Variants in RNF222 observed in about 807,000 individuals in gnomAD.
RNF222 encodes RING finger protein LOC643904.
A neutral mutation model predicts 10.8 loss-of-function variants in RNF222; 14 were observed. That is an observed-to-expected ratio of 1.30 (90% CI 0.86 to 2.03). The LOEUF (loss-of-function observed/expected upper bound fraction) is 2.03. Among genes scored for constraint, RNF222 ranks in the 30% most tolerant of loss-of-function variants. RNF222 has a pLI of 0.00. For synonymous variants in RNF222, 141 were observed against 142.5 expected, an observed-to-expected ratio of 0.99 and a Z score of 0.07; for missense variants, 298 against 295.8, an observed-to-expected ratio of 1.01 and a Z score of -0.06.
chr17:8,393,211 C>T lies in RNF222; in HGVS notation c.251G>A (p.Ser84Asn). ...SSRWPSMLDK[S>N]SQTLAVPVGL... is the part of the protein sequence containing the mutation. ...CACGGGCACAGCCAGCGTCTGGGAG[C>T]TCTTGTCCAGCATGGAGGGCCAGCG... Residue 84 changes from serine to asparagine, a missense_variant, in exon 3 of 3, where the codon AGC (serine) becomes AAC (asparagine). Coordinates refer to ENST00000399398, the MANE Select transcript of RNF222 (RefSeq NM_001146684.3). 1 of 1,550,846 alleles carries T rather than the reference C, an allele frequency of 6.4e-7. No individual in the cohort carries two copies. The highest frequency in any genetic ancestry group is 2.4e-5 in the East Asian group (1 of 40,920).
Position 8,392,706 on chromosome 17 carries a change from G to A in RNF222, c.*93C>T. The A allele has an allele frequency of 7.0e-7, 1 of 1,424,838 alleles. No homozygotes were observed. Among genetic ancestry groups the A allele is most frequent in the Non-Finnish European group, 9.2e-7 (1 of 1,081,404 alleles). The allele number at this position is 1,424,838 out of a possible 1,614,324, so 88.3% of individuals were successfully genotyped here. On this transcript the variant is annotated 3_prime_UTR_variant, in exon 3 of 3. Transcript: ENST00000399398. This position sits in a 1 kb window ranked among gnomAD's most constrained non-coding sequence, Gnocchi z 4.3. Reference sequence around the variant, plus strand: ...CAGGTCCTCCCCTCTGCCTGCCCGCGTGCCCCTCGGAGCTTGGTGGCACCA... The same window carrying A: ...CAGGTCCTCCCCTCTGCCTGCCCGCATGCCCCTCGGAGCTTGGTGGCACCA...
chr17:8,396,617 T>C (rs1864284570), intron 1 of RNF222, among the ~76,000 whole-genome samples: 1 of 151,668 alleles, frequency 6.6e-6, no homozygotes. Context: ...CTCTGGACAG[T>C]CCTTCCCGCT....
Position 8,393,333 on chromosome 17 carries a change from G to A in RNF222, c.129C>T (p.Val43=). ...CCACGCGGGTGGACAGCAGGTACTT[G>A]ACCAGGCAGTCATGGCAGAACACAT... The part of the protein sequence containing the change: ...CGHVFCHDCL[V]KYLLSTRVDG... Residue 43 remains valine, a synonymous_variant, in exon 3 of 3, where the codon GTC becomes GTT. Transcript: ENST00000399398. The A allele has an allele frequency of 6.4e-7, 1 of 1,551,688 alleles. No individual in the cohort carries two copies.
Position 8,393,385 on chromosome 17 carries a change from C to T in RNF222, c.77G>A (p.Gly26Asp), listed in dbSNP as rs781218107. ...GCCACAGCTCAGCGTCCGGCTGGCG[C>T]CCTCCAGGTCCCGGAACTTCTCATA... is the stretch of plus-strand genomic sequence containing the variant. ...VCYEKFRDLE[G>D]ASRTLSCGHV... Residue 26 changes from glycine to aspartate, a missense_variant, in exon 3 of 3, where the codon GGC becomes GAC. Coordinates refer to ENST00000399398, the MANE Select transcript of RNF222 (RefSeq NM_001146684.3). 59 of 1,551,538 alleles carry T rather than the reference C, an allele frequency of 3.8e-5. No individual in the cohort carries two copies. Among genetic ancestry groups the T allele is most frequent in the Non-Finnish European group, 4.5e-5 (52 of 1,146,994 alleles).
In RNF222 at chr17:8,393,268, C is replaced by A. The variant is rs772241278; in HGVS notation, c.194G>T (p.Arg65Leu). The A allele has an allele frequency of 1.9e-6, 3 of 1,551,214 alleles. No homozygotes were observed. Among genetic ancestry groups the A allele is most frequent in the Non-Finnish European group, 2.6e-6 (3 of 1,146,982 alleles). Residue 65 changes from arginine to leucine, a missense_variant, in exon 3 of 3, where the codon CGC becomes CTC. Physicochemically the swap from Arg to Leu is moderately radical, Grantham distance 102. Coordinates refer to ENST00000399398, the MANE Select transcript of RNF222 (RefSeq NM_001146684.3). ...VQRTLVCPIC[R>L]YVTFLSKKSS... ...CTTCTTGCTGAGGAATGTGACGTAG[C>A]GGCAGATGGGGCAGACCAGGGTCCT...
chr17:8,396,436 G>A (rs543400042), intron 1 of RNF222, among the ~76,000 whole-genome samples: 11 of 152,248 alleles, frequency 7.2e-5, no homozygotes, highest in African/African-American at 2.6e-4. Flanking sequence ...CTTTTCATCC[G>A]AGTTAGAGGA....
Position 8,392,794 on chromosome 17 carries a change from G to A in RNF222, c.*5C>T. On this transcript the variant is annotated 3_prime_UTR_variant, in exon 3 of 3. Coordinates refer to ENST00000399398, the MANE Select transcript of RNF222 (RefSeq NM_001146684.3). This position sits in a 1 kb window ranked among gnomAD's most constrained non-coding sequence, Gnocchi z 4.3. ...GCTAGCCCGGCGGCCTCCCTGAGGT[G>A]CGGCTCACGCCTGCTTCCTCACCAG... The A allele has an allele frequency of 6.5e-7, 1 of 1,531,966 alleles. No homozygotes were observed. The highest frequency in any genetic ancestry group is 1.2e-5 in the South Asian group (1 of 83,902). 94.9% of individuals were successfully genotyped at this position (1,531,966 alleles called of 1,614,324 possible).
intron 2 of RNF222, among the ~76,000 whole-genome samples, chr17:8,393,879 T>C (rs937767416): frequency 6.6e-6 from 1 of 152,170 alleles, no homozygotes; most frequent in Non-Finnish European, 1.5e-5. Context: ...GAAGTCCCTG[T>C]TACCAGGGGA....
In RNF222 at chr17:8,390,811, A is replaced by G. The variant is rs1175172119; in HGVS notation, c.*1988T>C. 1 of 152,234 alleles carries G rather than the reference A, an allele frequency of 6.6e-6. No individual in the cohort carries two copies. Among genetic ancestry groups the G allele is most frequent in the African/African-American group, 2.4e-5 (1 of 41,462 alleles). 9.4% of individuals were successfully genotyped at this position (152,234 alleles called of 1,614,324 possible). A position where few individuals can be genotyped will look rare whatever the true frequency, so the allele number is the denominator to read the frequency against. On this transcript the variant is annotated 3_prime_UTR_variant, in exon 3 of 3. Coordinates refer to ENST00000399398, the MANE Select transcript of RNF222 (RefSeq NM_001146684.3). ...TTGAACATACAAAAACACTGAGAGT[A>G]TGTTGAAAGAAACTTTTGGCAAATA...
chr17:8,396,513 C>G (rs1171566171), intron 1 of RNF222, among the ~76,000 whole-genome samples: 1 of 152,158 alleles, frequency 6.6e-6, no homozygotes, highest in African/African-American at 2.4e-5. Flanking sequence ...TCTGGGCAAT[C>G]CTTCTCCCTT....
intron 1 of RNF222, among the ~76,000 whole-genome samples, chr17:8,395,535 A>T (rs576072616): frequency 6.6e-5 from 10 of 152,246 alleles, no homozygotes; most frequent in Admixed American, 2.0e-4. Flanking sequence ...CCCAAAGGGG[A>T]CTTGGAGACC....
chr17:8,397,533 T>G (rs1908076991), intron 1 of RNF222, among the ~76,000 whole-genome samples, 162 bp downstream of exon 1: 1 of 152,064 alleles, frequency 6.6e-6, no homozygotes, highest in Admixed American at 6.5e-5. Context: ...TCCTATAGCT[T>G]TAGCTGTGAC....
rs1363525592 is a variant in RNF222, at chr17:8,391,974, C to G, written c.*825G>C. On this transcript the variant is annotated 3_prime_UTR_variant, in exon 3 of 3. Transcript: ENST00000399398. Reference sequence around the variant, plus strand: ...CAGGGGTTCGTTTGCCCACATAGTTCTCAGCTGACTCAAGGCTCGCCTGTC... The same window carrying G: ...CAGGGGTTCGTTTGCCCACATAGTTGTCAGCTGACTCAAGGCTCGCCTGTC... The G allele has an allele frequency of 1.3e-5, 2 of 152,386 alleles. No homozygotes were observed. Among genetic ancestry groups the G allele is most frequent in the Admixed American group, 6.5e-5 (1 of 15,282 alleles). The allele number at this position is 152,386 out of a possible 1,614,324, so 9.4% of individuals were successfully genotyped here.
At chr17:8,395,693 G>A (rs1908016627) in intron 1 of RNF222, among the ~76,000 whole-genome samples, 1 of 152,190 alleles carries the variant, frequency 6.6e-6, no homozygotes, top group Admixed American at 6.5e-5. Context: ...GGAACAAGAT[G>A]ACAATGGATA....
At chr17:8,395,257 G>A (rs981920161) in intron 1 of RNF222, among the ~76,000 whole-genome samples, 1 of 152,206 alleles carries the variant, frequency 6.6e-6, no homozygotes, top group Non-Finnish European at 1.5e-5. Context: ...TCTTTGAGAT[G>A]GTCAATGTGG....
At chr17:8,397,583 C>G (rs1355000370) in intron 1 of RNF222, 112 bp downstream of exon 1, 1 of 152,446 alleles carries the variant, frequency 6.6e-6, no homozygotes, top group Non-Finnish European at 1.5e-5. Context: ...CTCTCTCTCT[C>G]AATTTCTCTC....
intron 2 of RNF222, among the ~76,000 whole-genome samples, chr17:8,393,916 C>G (rs763429457): frequency 1.3e-5 from 2 of 152,212 alleles, no homozygotes; most frequent in Non-Finnish European, 1.5e-5. Context: ...GATGCATGCA[C>G]AGCCCCAGTC....
intron 1 of RNF222, among the ~76,000 whole-genome samples, chr17:8,394,626 C>G (rs1395529415): frequency 3.3e-5 from 5 of 152,240 alleles, no homozygotes; most frequent in African/African-American, 9.6e-5. Context: ...TTAGTAGAGA[C>G]AGAGTTTCAC....
In RNF222 at chr17:8,392,665, AG is replaced by A; in HGVS notation, c.*133del. On this transcript the variant is annotated 3_prime_UTR_variant, in exon 3 of 3. Coordinates refer to ENST00000399398, the MANE Select transcript of RNF222 (RefSeq NM_001146684.3). The surrounding 1 kb of genome is among the most constrained non-coding windows in gnomAD (Gnocchi z 4.3). ...CCCCTGCGGGGGTCGGGGAAGCCCA[AG>A]GCCCTCTCTGTGCCCAGGTCCTCCC... 8.7e-7 allele frequency: 1 copy of A among 1,149,652 alleles called. No individual in the cohort carries two copies. The highest frequency in any genetic ancestry group is 1.6e-5 in the South Asian group (1 of 61,976). The allele number at this position is 1,149,652 out of a possible 1,614,324, so 71.2% of individuals were successfully genotyped here. A position where few individuals can be genotyped will look rare whatever the true frequency, so the allele number is the denominator to read the frequency against.
Sources: gnomAD v4.1 joint callset for allele counts (sites outside exome capture counted in the v4.1 genomes callset) on GRCh38, gnomAD v4.1.1 for gene constraint, Gnocchi (gnomAD v3.1) non-coding constraint, MANE v1.5 for transcripts, NCBI Gene and HGNC (gene_info 2026-07-23, HGNC 2026-07-21) for gene names.